TMEM131: variants seen among roughly 807,000 people sequenced by gnomAD.
TMEM131 encodes 2610524E03Rik.
A neutral mutation model predicts 211.6 loss-of-function variants in TMEM131; 66 were observed. The observed-to-expected ratio is 0.31, with a 90% CI of 0.26 to 0.38. The LOEUF is 0.38. Among genes scored for constraint, TMEM131 ranks in the 10% least tolerant of loss-of-function variants. The pLI is 1.00. For missense variants in TMEM131, 2,036 were observed against 2,299.3 expected (o/e 0.89, Z 2.34); for synonymous variants, 844 against 841.3 (o/e 1.00, Z -0.06).
At chr2:97,768,804 T>C (rs150996552) in intron 33 of TMEM131, among the ~76,000 whole-genome samples, 20 of 152,314 alleles carry the variant, frequency 1.3e-4, no homozygotes, top group Admixed American at 4.6e-4. Flanking sequence ...TTGGTGAGGC[T>C]GGTCTCGAAG....
chr2:97,842,020 C>A, intron 6 of TMEM131, 83 bp from the exon 7 acceptor site: 1 of 1,212,746 alleles, frequency 8.2e-7, no homozygotes, highest in South Asian at 2.9e-5. Context: ...TCTAGGGAGA[C>A]TGGCAAATCT....
chr2:97,760,394 C>T, intron 38 of TMEM131, 199 bp downstream of exon 38: 1 of 595,350 alleles, frequency 1.7e-6, no homozygotes, highest in South Asian at 2.0e-5. Context: ...CTATCTGGAC[C>T]CCCTGGGGAA....
chr2:97,843,825 A>G (rs570434926), intron 6 of TMEM131, among the ~76,000 whole-genome samples: 2 of 152,350 alleles, frequency 1.3e-5, no homozygotes, highest in South Asian at 4.1e-4. Flanking sequence ...TAATCTTGAC[A>G]CTATTATCAA....
intron 1 of TMEM131, among the ~76,000 whole-genome samples, chr2:97,943,037 A>AAAAGAAAGAAAG (rs71394401): frequency 0.025 from 1,670 of 65,858 alleles, 37 homozygotes; most frequent in East Asian, 0.054. Context: ...AAAAGAAAAG[A>AAAAGAAAGAAAG]AAAGAAAGAA....
At chr2:97,977,253 T>C (rs751947375) in intron 1 of TMEM131, among the ~76,000 whole-genome samples, 1 of 152,204 alleles carries the variant, frequency 6.6e-6, no homozygotes, top group Non-Finnish European at 1.5e-5. Flanking sequence ...AAGGAATCCT[T>C]GTAAATATGT....
intron 31 of TMEM131, among the ~76,000 whole-genome samples, chr2:97,788,050 C>T (rs774251223): frequency 1.1e-4 from 17 of 152,174 alleles, no homozygotes; most frequent in Non-Finnish European, 2.5e-4. Context: ...TTCGACACTG[C>T]CAGCACAGCA....
intron 2 of TMEM131, among the ~76,000 whole-genome samples, chr2:97,918,296 G>A (rs1676596922): frequency 6.6e-6 from 1 of 152,024 alleles, no homozygotes; most frequent in African/African-American, 2.4e-5. Flanking sequence ...TTCTCATTAG[G>A]TATAAACTCA....
At chr2:97,956,494 G>A (rs138543871) in intron 1 of TMEM131, among the ~76,000 whole-genome samples, 3 of 151,614 alleles carry the variant, frequency 2.0e-5, no homozygotes. Flanking sequence ...TTAAAATTTC[G>A]ATTTTTTTTC....
chr2:97,980,773 G>A (rs963120124), intron 1 of TMEM131, among the ~76,000 whole-genome samples: 14 of 152,160 alleles, frequency 9.2e-5, no homozygotes, highest in African/African-American at 3.4e-4. Context: ...AGAATCTCAA[G>A]TGTCTTGTGC....
chr2:97,783,783 C>T (rs1160196760), intron 31 of TMEM131, among the ~76,000 whole-genome samples: 1 of 151,852 alleles, frequency 6.6e-6, no homozygotes, highest in African/African-American at 2.4e-5. Context: ...AGCAGACAGT[C>T]TACTTATGTA....
chr2:97,991,828 A>T (rs1680281417), intron 1 of TMEM131, among the ~76,000 whole-genome samples: 1 of 152,244 alleles, frequency 6.6e-6, no homozygotes, highest in African/African-American at 2.4e-5. Context: ...CTCCAAGAGT[A>T]ATTTGGCTTA....
chr2:97,978,086 T>TG (rs977753897), intron 1 of TMEM131, among the ~76,000 whole-genome samples: 1 of 151,836 alleles, frequency 6.6e-6, no homozygotes. Context: ...GACTCGGTCT[T>TG]GGGGAAAAAA....
In TMEM131 at chr2:97,859,383, G is replaced by C; in HGVS notation, c.404C>G (p.Pro135Arg). 6.3e-7 allele frequency: 1 copy of C among 1,596,790 alleles called. No homozygotes were observed. The highest frequency in any genetic ancestry group is 8.5e-7 in the Non-Finnish European group (1 of 1,174,628). The change falls in exon 5 of 41, where the codon CCT (proline) becomes CGT (arginine). Residue 135 changes from proline (P) to arginine (R), a missense_variant. Coordinates refer to ENST00000186436, the MANE Select transcript of TMEM131 (RefSeq NM_015348.2). The stretch of plus-strand genomic sequence containing the variant: ...TAAAGTAATCGTTTCTTCAGAACTA[G>C]GATTATGTAAGTAGACTTTTTCCAT... ...PKMEKVYLHNPSSEETITLVS... is the reference protein window; with the variant it reads ...PKMEKVYLHNRSSEETITLVS...
chr2:97,796,453 TC>T, intron 27 of TMEM131, 49 bp from the exon 28 acceptor site: 2 of 1,163,510 alleles, frequency 1.7e-6, no homozygotes, highest in Non-Finnish European at 2.4e-6. Context: ...CATCATGTGC[TC>T]CCAGTCCAAA....
intron 1 of TMEM131, among the ~76,000 whole-genome samples, chr2:97,985,778 G>A (rs990075906): frequency 4.7e-4 from 71 of 151,974 alleles, no homozygotes; most frequent in Admixed American, 3.9e-4. Context: ...AATTCAATAA[G>A]TGGTGTTAAG....
chr2:97,784,705 G>GA (rs950364452), intron 31 of TMEM131, among the ~76,000 whole-genome samples: 1 of 151,910 alleles, frequency 6.6e-6, no homozygotes, highest in Non-Finnish European at 1.5e-5. Context: ...AAAAAGAGCA[G>GA]AAAAATAAAT....
At chr2:97,927,513 C>G (rs761718846) in intron 1 of TMEM131, 26 bp from the exon 2 acceptor site, 1 of 1,525,048 alleles carries the variant, frequency 6.6e-7, no homozygotes, top group Admixed American at 2.2e-5. Context: ...AACATACCAT[C>G]ACTTACAGGA....
chr2:97,991,936 G>A (rs1375669077), intron 1 of TMEM131, among the ~76,000 whole-genome samples: 1 of 152,170 alleles, frequency 6.6e-6, no homozygotes, highest in Non-Finnish European at 1.5e-5. Context: ...AGAATTAGAA[G>A]GAGGAGGAAA....
At chr2:97,841,081 G>A (rs1018755644) in intron 7 of TMEM131, among the ~76,000 whole-genome samples, 3 of 152,132 alleles carry the variant, frequency 2.0e-5, no homozygotes, top group Non-Finnish European at 4.4e-5. Flanking sequence ...GTGTTGGTCC[G>A]AAAGAACTCT....
Sources: gnomAD v4.1 joint callset for allele counts (sites outside exome capture counted in the v4.1 genomes callset) on GRCh38, gnomAD v4.1.1 for gene constraint, MANE v1.5 for transcripts, NCBI Gene and HGNC (gene_info 2026-07-23, HGNC 2026-07-21) for gene names.